RHOA: variants seen among roughly 807,000 people sequenced by gnomAD.
RHOA encodes transforming protein RhoA.
A neutral mutation model predicts 17.5 loss-of-function variants in RHOA; 3 were observed. The ratio of observed to expected loss-of-function variants is 0.17; its 90% CI spans 0.08 to 0.44. The LOEUF is 0.44. Among genes scored for constraint, RHOA ranks in the 20% least tolerant of loss-of-function variants. RHOA has a pLI of 0.99. For missense variants in RHOA, 56 were observed against 242.3 expected, an observed-to-expected ratio of 0.23 and a Z score of 5.10; for synonymous variants, 98 against 88.4, an observed-to-expected ratio of 1.11 and a Z score of -0.61.
intron 1 of RHOA, among the ~76,000 whole-genome samples, chr3:49,376,000 C>T (rs1223068679): frequency 6.6e-6 from 1 of 152,018 alleles, no homozygotes; most frequent in Admixed American, 6.6e-5. Context: ...AGGCACGTAC[C>T]ACCACATCCA....
At chr3:49,401,373 A>G (rs1004240952) in intron 1 of RHOA, among the ~76,000 whole-genome samples, 1 of 151,620 alleles carries the variant, frequency 6.6e-6, no homozygotes, top group Non-Finnish European at 1.5e-5. Context: ...ATGAAAACGG[A>G]CAGGCAAGGT....
chr3:49,402,914 G>C (rs562750556), intron 1 of RHOA, among the ~76,000 whole-genome samples: 11 of 152,006 alleles, frequency 7.2e-5, no homozygotes, highest in African/African-American at 2.7e-4. Context: ...GCGGGTGCCT[G>C]TAGTTCCAGC....
intron 3 of RHOA, among the ~76,000 whole-genome samples, chr3:49,363,623 G>T (rs1006511890): frequency 6.6e-6 from 1 of 151,964 alleles, no homozygotes; most frequent in African/African-American, 2.4e-5. Context: ...AGGCTTAGGT[G>T]GGTGGATCAC....
intron 1 of RHOA, among the ~76,000 whole-genome samples, chr3:49,387,152 A>C (rs1280818286): frequency 9.4e-6 from 1 of 106,280 alleles, no homozygotes; most frequent in Non-Finnish European, 1.9e-5. Context: ...AAAAAAAAAA[A>C]AAAAAAAACA....
intron 1 of RHOA, among the ~76,000 whole-genome samples, chr3:49,384,374 G>A (rs2048364514): frequency 6.6e-6 from 1 of 152,154 alleles, no homozygotes; most frequent in African/African-American, 2.4e-5. Context: ...TCTCCCAGAC[G>A]TGTCATTTTC....
chr3:49,399,054 CAAAAAAAAAAAAAAAAAAAAA>C (rs10530558), intron 1 of RHOA, among the ~76,000 whole-genome samples: 3 of 24,830 alleles, frequency 1.2e-4, no homozygotes, highest in Non-Finnish European at 2.0e-4. Flanking sequence ...GACTCCGTCT[CAAAAAAAAAAAAAAAAAAAAA>C]AAAAAAAAAA....
At chr3:49,390,279 C>T (rs1259667108) in intron 1 of RHOA, among the ~76,000 whole-genome samples, 2 of 152,054 alleles carry the variant, frequency 1.3e-5, no homozygotes, top group South Asian at 2.1e-4. Context: ...GGACTACAGG[C>T]ACCCGCCACC....
chr3:49,383,603 A>C (rs1477052333), intron 1 of RHOA, among the ~76,000 whole-genome samples: 1 of 151,804 alleles, frequency 6.6e-6, no homozygotes, highest in African/African-American at 2.4e-5. Context: ...TTCAGCCTGC[A>C]CTCCATTCCT....
chr3:49,385,431 G>A (rs944880206), intron 1 of RHOA, among the ~76,000 whole-genome samples: 2 of 151,868 alleles, frequency 1.3e-5, no homozygotes, highest in African/African-American at 4.8e-5. Flanking sequence ...GACCAGGCTG[G>A]TCTCAAACTC....
chr3:49,405,257 C>CAAAAA (rs56912055), intron 1 of RHOA, among the ~76,000 whole-genome samples: 3 of 110,008 alleles, frequency 2.7e-5, no homozygotes, highest in African/African-American at 8.2e-5. Flanking sequence ...GACTGTGTCT[C>CAAAAA]AAAAAAAAAA....
At chr3:49,404,866 G>A (rs142785084) in intron 1 of RHOA, among the ~76,000 whole-genome samples, 2,947 of 150,670 alleles carry the variant, frequency 0.02, 80 homozygotes, top group African/African-American at 0.068. Flanking sequence ...ATGAACCCGG[G>A]AGGCAGAGTT....
At chr3:49,394,644 T>C in intron 1 of RHOA, among the ~76,000 whole-genome samples, 1 of 152,098 alleles carries the variant, frequency 6.6e-6, no homozygotes, top group South Asian at 2.1e-4. Flanking sequence ...AGCCACTGCA[T>C]CCGGCCACAA....
At chr3:49,395,461 G>C (rs1046381433) in intron 1 of RHOA, among the ~76,000 whole-genome samples, 2 of 151,756 alleles carry the variant, frequency 1.3e-5, no homozygotes, top group African/African-American at 4.8e-5. Flanking sequence ...CTGTAATCCC[G>C]GCACTTTGGG....
intron 1 of RHOA, among the ~76,000 whole-genome samples, chr3:49,384,565 G>A (rs1041642079): frequency 1.3e-5 from 2 of 151,556 alleles, no homozygotes; most frequent in Non-Finnish European, 2.9e-5. Flanking sequence ...GGAGTGAGGT[G>A]GTGTTATCAT....
intron 1 of RHOA, among the ~76,000 whole-genome samples, chr3:49,376,334 T>A (rs1325068649): frequency 1.3e-5 from 2 of 151,844 alleles, no homozygotes; most frequent in Admixed American, 6.6e-5. Flanking sequence ...GGTTGCAGGA[T>A]ACAATATTAA....
chr3:49,410,158 G>A (rs1490157131), intron 1 of RHOA, among the ~76,000 whole-genome samples: 3 of 152,314 alleles, frequency 2.0e-5, no homozygotes, highest in East Asian at 1.9e-4. Context: ...AATGGAATAA[G>A]CTAGAAGTCC....
At chr3:49,375,882 C>T (rs923189646) in intron 1 of RHOA, among the ~76,000 whole-genome samples, 2 of 152,044 alleles carry the variant, frequency 1.3e-5, no homozygotes, top group African/African-American at 4.8e-5. Flanking sequence ...GAGTCTCACT[C>T]TGTCGCCCAG....
intron 3 of RHOA, among the ~76,000 whole-genome samples, chr3:49,365,911 C>CA (rs2048047574): frequency 6.6e-6 from 1 of 151,992 alleles, no homozygotes; most frequent in African/African-American, 2.4e-5. Context: ...AAAAATTAAC[C>CA]AAGCGCAGCA....
intron 1 of RHOA, among the ~76,000 whole-genome samples, chr3:49,407,211 T>C (rs371889620): frequency 1.3e-4 from 19 of 147,640 alleles, no homozygotes; most frequent in African/African-American, 4.2e-4. Context: ...TCAAGGAAAT[T>C]AATATTATGA....
Sources: gnomAD v4.1 joint callset for allele counts (sites outside exome capture counted in the v4.1 genomes callset) on GRCh38, gnomAD v4.1.1 for gene constraint, MANE v1.5 for transcripts, NCBI Gene and HGNC (gene_info 2026-07-23, HGNC 2026-07-21) for gene names.